Variants in FGF13 observed in about 807,000 individuals in gnomAD.
FGF13 encodes fibroblast growth factor homologous factor 2.
In FGF13, 2 loss-of-function variants were observed where a neutral mutation model predicts 19.5. The observed-to-expected ratio is 0.10, with a 90% CI of 0.04 to 0.32. The LOEUF (loss-of-function observed/expected upper bound fraction) is 0.32, where lower values mean the gene tolerates loss of function less well. Among genes scored for constraint, FGF13 ranks in the 10% least tolerant of loss-of-function variants. The pLI is 1.00. For synonymous variants in FGF13, 72 were observed against 76.9 expected, an observed-to-expected ratio of 0.94 and a Z score of 0.33; for missense variants, 113 against 192.7, an observed-to-expected ratio of 0.59 and a Z score of 2.45.
intron 3 of FGF13, among the ~76,000 whole-genome samples, chrX:138,810,655 G>C (rs2090915032): frequency 9.0e-6 from 1 of 111,717 alleles, no homozygotes; most frequent in African/African-American, 3.3e-5. Context: ...GAGTGAACTG[G>C]CAACCTACAG....
At chrX:138,956,843 A>G (rs2091843628) in intron 1 of FGF13, among the ~76,000 whole-genome samples, 1 of 111,845 alleles carries the variant, frequency 8.9e-6, no homozygotes. Flanking sequence ...TACTATGGAC[A>G]TGCATCCAAG....
intron 3 of FGF13, among the ~76,000 whole-genome samples, chrX:138,656,075 G>T (rs913472506): frequency 8.9e-6 from 1 of 112,214 alleles, no homozygotes; most frequent in African/African-American, 3.2e-5. Context: ...TGCTTTTTCA[G>T]AATTTACAGT....
chrX:138,800,360 T>G (rs1176831497), intron 3 of FGF13, among the ~76,000 whole-genome samples: 1 of 111,670 alleles, frequency 9.0e-6, no homozygotes, highest in Non-Finnish European at 1.9e-5. Flanking sequence ...TATGAAAGTC[T>G]GGGTTGAAAA....
chrX:138,972,402 G>T (rs1350387491), intron 1 of FGF13, among the ~76,000 whole-genome samples: 1 of 103,224 alleles, frequency 9.7e-6, no homozygotes, highest in African/African-American at 3.6e-5. Flanking sequence ...TGTCGCCCAG[G>T]CTGGAGTGCA....
chrX:138,651,618 C>G (rs2089374211), intron 3 of FGF13, among the ~76,000 whole-genome samples: 1 of 111,662 alleles, frequency 9.0e-6, no homozygotes, highest in South Asian at 3.7e-4. Flanking sequence ...TGAAGATGCT[C>G]CTGACTCACT....
rs371218007 is a variant in FGF13 at position 139,098,336 on chromosome X, C to T, written c.-113+105080G>A. Among the ~76,000 whole-genome samples the T allele has an allele frequency of 1.2e-4, 13 of 111,176 alleles. No homozygotes were observed. The East Asian group carries it at 3.4e-3, about 29-fold the overall frequency. On this transcript the variant is annotated intron_variant, in intron 1 of 2. Transcript: ENST00000421460. ...TGAGATTTCTGAAAGAACTAAAAAT[C>T]GAACTACCATTTGACCCAGTAATCC...
intron 1 of FGF13, among the ~76,000 whole-genome samples, chrX:139,054,899 G>GTTGTGTTGTATTGTATTGTA (rs1556347171): frequency 0.011 from 1,076 of 98,895 alleles, 15 homozygotes; most frequent in African/African-American, 0.02. Flanking sequence ...GTTGTGTTGT[G>GTTGTGTTGTATTGTATTGTA]TTGTATTGTA....
intron 3 of FGF13, among the ~76,000 whole-genome samples, chrX:138,663,829 A>G (rs1285103278): frequency 2.7e-5 from 3 of 111,506 alleles, no homozygotes; most frequent in African/African-American, 9.8e-5. Flanking sequence ...ATGATAAGAG[A>G]GAGAGGAGGG....
At chrX:138,688,727 C>A (rs762971424) in intron 3 of FGF13, among the ~76,000 whole-genome samples, 1 of 111,753 alleles carries the variant, frequency 8.9e-6, no homozygotes, top group South Asian at 3.8e-4. Context: ...GTTTCCCCTT[C>A]AAAATGGAAA....
At chrX:139,052,442 T>C (rs746845786) in intron 1 of FGF13, among the ~76,000 whole-genome samples, 14 of 111,591 alleles carry the variant, frequency 1.3e-4, no homozygotes, top group African/African-American at 4.2e-4. Flanking sequence ...CCTTTACAGA[T>C]CTTTTTAAGA....
intron 3 of FGF13, among the ~76,000 whole-genome samples, chrX:138,797,742 C>T (rs1035840159): frequency 3.6e-5 from 4 of 111,166 alleles, no homozygotes; most frequent in Non-Finnish European, 7.5e-5. Flanking sequence ...TTTCCTTGAG[C>T]AGTGGTTTGT....
intron 1 of FGF13, among the ~76,000 whole-genome samples, chrX:138,722,968 T>C (rs2090157642): frequency 8.9e-6 from 1 of 111,905 alleles, no homozygotes; most frequent in African/African-American, 3.2e-5. Flanking sequence ...TATCCAAATC[T>C]CATAACAACC....
chrX:138,807,949 T>C (rs1221984546), intron 3 of FGF13, among the ~76,000 whole-genome samples: 3 of 111,375 alleles, frequency 2.7e-5, no homozygotes, highest in Admixed American at 9.5e-5. Context: ...AGCAAGTCCT[T>C]AGAGACCTAC....
At chrX:138,832,161 C>T (rs901368220) in intron 3 of FGF13, among the ~76,000 whole-genome samples, 8 of 112,072 alleles carry the variant, frequency 7.1e-5, no homozygotes, top group Non-Finnish European at 1.3e-4. Flanking sequence ...ATTTATACTC[C>T]TTTCAGTATA....
At chrX:139,165,700 C>T (rs1201663534) in intron 1 of FGF13, among the ~76,000 whole-genome samples, 2 of 111,182 alleles carry the variant, frequency 1.8e-5, no homozygotes, top group Non-Finnish European at 3.8e-5. Context: ...TCAAGCGGCC[C>T]AAGGTGTGCC....
intron 3 of FGF13, among the ~76,000 whole-genome samples, chrX:138,640,159 G>T (rs1420870250): frequency 9.0e-6 from 1 of 111,176 alleles, no homozygotes; most frequent in Non-Finnish European, 1.9e-5. Flanking sequence ...TAATTCTTTG[G>T]AGGTTGAAAT....
At chrX:138,977,562 A>G (rs966421727) in intron 1 of FGF13, among the ~76,000 whole-genome samples, 2 of 112,622 alleles carry the variant, frequency 1.8e-5, no homozygotes, top group Non-Finnish European at 3.7e-5. Context: ...CCTTTGCACC[A>G]TAAGTGTCTT....
intron 1 of FGF13, among the ~76,000 whole-genome samples, chrX:139,027,113 T>A (rs776773063): frequency 8.9e-6 from 1 of 112,178 alleles, no homozygotes; most frequent in South Asian, 3.7e-4. Context: ...TTAGCACACA[T>A]TACACATATC....
chrX:138,769,021 G>C (rs1057248577), intron 3 of FGF13, among the ~76,000 whole-genome samples: 1 of 110,220 alleles, frequency 9.1e-6, no homozygotes, highest in African/African-American at 3.3e-5. Flanking sequence ...TCAAGTACAA[G>C]TTATGAATCA....
Sources: gnomAD v4.1 joint callset for allele counts (sites outside exome capture counted in the v4.1 genomes callset) on GRCh38, gnomAD v4.1.1 for gene constraint, MANE v1.5 for transcripts, NCBI Gene and HGNC (gene_info 2026-07-23, HGNC 2026-07-21) for gene names.